SNCAIP: variants seen among roughly 807,000 people sequenced by gnomAD.
The protein encoded by SNCAIP is synuclein alpha interacting protein.
Under a neutral mutation model 86.7 loss-of-function variants are expected in SNCAIP, and 43 were observed. That is an observed-to-expected ratio of 0.50 (90% CI 0.39 to 0.64). The LOEUF (loss-of-function observed/expected upper bound fraction) is 0.64, where lower values mean the gene tolerates loss of function less well. Among genes scored for constraint, SNCAIP ranks in the 30% least tolerant of loss-of-function variants. The pLI, the probability that SNCAIP is intolerant of heterozygous loss-of-function variation, is 0.00. For synonymous variants in SNCAIP, 417 were observed against 427.2 expected (o/e 0.98, Z 0.29); for missense variants, 981 against 1,103.1 (o/e 0.89, Z 1.57).
At chr5:122,415,252 G>C (rs1775072322) in intron 3 of SNCAIP, among the ~76,000 whole-genome samples, 1 of 152,170 alleles carries the variant, frequency 6.6e-6, no homozygotes, top group African/African-American at 2.4e-5. Flanking sequence ...GCCATGGTAG[G>C]AGCCTGCATG....
At chr5:122,439,601 G>A (rs1435294364) in intron 6 of SNCAIP, among the ~76,000 whole-genome samples, 1 of 152,032 alleles carries the variant, frequency 6.6e-6, no homozygotes, top group African/African-American at 2.4e-5. Flanking sequence ...GAAGATGAAG[G>A]CAAATTTAAT....
At position 122,461,027 on chromosome 5, in the gene SNCAIP, G is replaced by A. The variant is rs1786074719; in HGVS notation, c.2755-2464G>A. ...CTATTTTGTTTATTCTCATGCTTCA[G>A]TCATATATCTTCCCACCCAAGGAAG... On this transcript the variant is annotated intron_variant, in intron 10 of 10. Coordinates refer to ENST00000261368, the MANE Select transcript of SNCAIP (RefSeq NM_005460.4). Among the ~76,000 whole-genome samples the A allele has an allele frequency of 2.0e-5, 3 of 152,088 alleles. No homozygotes were observed. The South Asian group carries it at 6.2e-4, about 32-fold the overall frequency.
At chr5:122,457,641 T>C (rs1016427764) in intron 10 of SNCAIP, among the ~76,000 whole-genome samples, 7 of 152,144 alleles carry the variant, frequency 4.6e-5, no homozygotes, top group African/African-American at 1.7e-4. Context: ...TGCCTCCTCA[T>C]GCTTCCTTAG....
chr5:122,383,674 G>T (rs1222770038), intron 1 of SNCAIP: 1 of 152,018 alleles, frequency 6.6e-6, no homozygotes, highest in Non-Finnish European at 1.5e-5. Flanking sequence ...TCAATATTTG[G>T]GTTTCAGATA....
At chr5:122,322,020 A>G (rs13168118) in intron 1 of SNCAIP, among the ~76,000 whole-genome samples, 1 of 152,168 alleles carries the variant, frequency 6.6e-6, no homozygotes, top group Admixed American at 6.5e-5. Flanking sequence ...TCCAGTGAAC[A>G]AGCCTCCTGT....
At chr5:122,409,069 A>C (rs191618301) in intron 3 of SNCAIP, among the ~76,000 whole-genome samples, 45 of 151,940 alleles carry the variant, frequency 3.0e-4, no homozygotes, top group South Asian at 2.3e-3. Flanking sequence ...AAGGATTAGC[A>C]GAAAGGAAGT....
At position 122,463,451 on chromosome 5, in the gene SNCAIP, G is replaced by A. The variant is rs751902256; in HGVS notation, c.2755-40G>A. 4.2e-6 allele frequency: 5 copies of A among 1,202,846 alleles called. No homozygotes were observed. The African/African-American group carries it at 6.0e-5, about 14-fold the overall frequency. 74.5% of individuals were successfully genotyped at this position (1,202,846 alleles called of 1,614,324 possible). ...GGTATTGTCTTGTAACTTGACCATA[G>A]TTTTATCTAATTTTGGCCTGTGGTT... On this transcript the variant is annotated intron_variant, in intron 10 of 10. Coordinates refer to ENST00000261368, the MANE Select transcript of SNCAIP (RefSeq NM_005460.4).
chr5:122,375,905 A>AGAGG (rs909747135), intron 1 of SNCAIP, among the ~76,000 whole-genome samples: 12 of 152,082 alleles, frequency 7.9e-5, no homozygotes, highest in African/African-American at 2.7e-4. Flanking sequence ...CATGTGGGGA[A>AGAGG]GAGGTCACCA....
At chr5:122,459,969 GTATCCCTGT>G (rs981463686) in intron 10 of SNCAIP, among the ~76,000 whole-genome samples, 5 of 152,048 alleles carry the variant, frequency 3.3e-5, no homozygotes, top group South Asian at 4.2e-4. Flanking sequence ...GTTTCAAATA[GTATCCCTGT>G]TATCTACTGG....
At chr5:122,421,182 T>G (rs1776286950) in intron 3 of SNCAIP, among the ~76,000 whole-genome samples, 2 of 152,214 alleles carry the variant, frequency 1.3e-5, no homozygotes, top group Admixed American at 6.5e-5. Flanking sequence ...TTGGAGAGAA[T>G]CGAGCCCTCC....
At position 122,440,700 on chromosome 5, in the gene SNCAIP, T is replaced by C. The variant is rs547701537; in HGVS notation, c.1368T>C (p.Asp456=). 6.2e-7 allele frequency: 1 copy of C among 1,614,098 alleles called. No homozygotes were observed. The highest frequency in any genetic ancestry group is 1.1e-5 in the South Asian group (1 of 91,078). ...QGISLDEVDQ[D]GNSAVHVASQ... is the part of the protein sequence containing the mutation. The stretch of plus-strand genomic sequence containing the variant: ...TCTCGTTGGATGAAGTAGACCAGGA[T>C]GGCAACAGTGCCGTTCACGTAGCCT... The change falls in exon 7 of 11, where the codon GAT becomes GAC. Residue 456 remains aspartate (D), a synonymous_variant. Transcript: ENST00000261368.
chr5:122,387,150 TTTTG>T (rs978606513), intron 1 of SNCAIP, among the ~76,000 whole-genome samples: 40 of 151,938 alleles, frequency 2.6e-4, no homozygotes, highest in African/African-American at 5.3e-4. Flanking sequence ...TATAAAGGAT[TTTTG>T]TTTGTTTGTT....
At chr5:122,334,500 G>A (rs1316279010) in intron 1 of SNCAIP, among the ~76,000 whole-genome samples, 1 of 152,196 alleles carries the variant, frequency 6.6e-6, no homozygotes. Flanking sequence ...GCTGACCTAT[G>A]TTTAAGGTCA....
At chr5:122,419,787 G>A (rs116546354) in intron 3 of SNCAIP, among the ~76,000 whole-genome samples, 166 of 152,198 alleles carry the variant, frequency 1.1e-3, no homozygotes, top group African/African-American at 3.9e-3. Flanking sequence ...TCCATGTATG[G>A]TAAGAAATTT....
At chr5:122,440,987 C>T (rs564994301) in intron 7 of SNCAIP, 5 of 505,388 alleles carry the variant, frequency 9.9e-6, no homozygotes, top group African/African-American at 1.9e-5. Context: ...AGGGACTTTT[C>T]CTGCTCCCTT....
At chr5:122,437,198 G>C (rs1447805331) in intron 6 of SNCAIP, 2 of 152,200 alleles carry the variant, frequency 1.3e-5, no homozygotes, top group African/African-American at 4.8e-5. Flanking sequence ...CATTACATAT[G>C]TATCTAATCA....
intron 3 of SNCAIP, among the ~76,000 whole-genome samples, chr5:122,413,965 A>G (rs1199109702): frequency 6.6e-5 from 10 of 152,144 alleles, no homozygotes; most frequent in Admixed American, 5.9e-4. Context: ...GCTGAAGTGA[A>G]TTGGTACAAT....
At chr5:122,356,098 T>TC (rs1243597559) in intron 1 of SNCAIP, among the ~76,000 whole-genome samples, 1 of 144,544 alleles carries the variant, frequency 6.9e-6, no homozygotes, top group African/African-American at 2.6e-5. Context: ...AGCCTTTCTT[T>TC]TTTTTTTTTT....
chr5:122,326,054 C>T (rs1279425451), intron 1 of SNCAIP, among the ~76,000 whole-genome samples: 1 of 152,172 alleles, frequency 6.6e-6, no homozygotes, highest in Non-Finnish European at 1.5e-5. Flanking sequence ...CTATTTGTGA[C>T]CACTGAATAA....
Sources: allele counts gnomAD v4.1 joint callset (sites outside exome capture counted in the v4.1 genomes callset), GRCh38; gene constraint gnomAD v4.1.1; transcripts MANE v1.5; gene names NCBI Gene and HGNC (gene_info 2026-07-23, HGNC 2026-07-21).